Variants in NKAIN3 observed in about 807,000 individuals in gnomAD.
The protein encoded by NKAIN3 is sodium/potassium transporting ATPase interacting 3, also known as sodium/potassium-transporting ATPase subunit beta-1-interacting protein 3.
In NKAIN3, 25 loss-of-function variants were observed where a neutral mutation model predicts 30.2. The observed-to-expected ratio is 0.83, with a 90% CI of 0.60 to 1.16. The LOEUF (loss-of-function observed/expected upper bound fraction) is 1.16. NKAIN3 is among the 50% of genes most tolerant of loss of function. The probability of loss-of-function intolerance (pLI) is 0.00; values close to 1 mark genes in which losing one functional copy is unlikely to be tolerated. For missense variants in NKAIN3, 225 were observed against 254.1 expected (o/e 0.89, Z 0.78); for synonymous variants, 91 against 89.6 (o/e 1.02, Z -0.09).
At chr8:62,393,651 T>C (rs1424138268) in intron 1 of NKAIN3, among the ~76,000 whole-genome samples, 1 of 152,026 alleles carries the variant, frequency 6.6e-6, no homozygotes, top group African/African-American at 2.4e-5. Flanking sequence ...GCTAGGATTT[T>C]GATTCTGAAT....
chr8:62,612,848 A>T (rs1207669919), intron 3 of NKAIN3, among the ~76,000 whole-genome samples: 1 of 152,054 alleles, frequency 6.6e-6, no homozygotes, highest in Non-Finnish European at 1.5e-5. Context: ...TCACGTGATA[A>T]CAACTTAATA....
chr8:62,657,291 G>A (rs1812789130), intron 3 of NKAIN3, among the ~76,000 whole-genome samples: 1 of 152,086 alleles, frequency 6.6e-6, no homozygotes, highest in Non-Finnish European at 1.5e-5. Flanking sequence ...CTGAAATAAT[G>A]TAGCATTACT....
At chr8:62,749,694 T>TG (rs1226976756) in intron 4 of NKAIN3, among the ~76,000 whole-genome samples, 2 of 140,028 alleles carry the variant, frequency 1.4e-5, no homozygotes, top group East Asian at 4.1e-4. Flanking sequence ...TTTTTTTTTT[T>TG]TTTTTAAGAC....
At chr8:62,533,891 G>T (rs945627138) in intron 1 of NKAIN3, among the ~76,000 whole-genome samples, 4 of 152,130 alleles carry the variant, frequency 2.6e-5, no homozygotes, top group African/African-American at 9.7e-5. Context: ...ATCCAGACTT[G>T]CAAGTTGCTA....
At chr8:62,363,930 T>C (rs1158033968) in intron 1 of NKAIN3, among the ~76,000 whole-genome samples, 2 of 152,226 alleles carry the variant, frequency 1.3e-5, no homozygotes, top group Admixed American at 6.5e-5. Flanking sequence ...CCTTAGTCTC[T>C]TTCTATTGTG....
At chr8:62,521,833 G>A (rs1365123914) in intron 1 of NKAIN3, among the ~76,000 whole-genome samples, 4 of 152,128 alleles carry the variant, frequency 2.6e-5, no homozygotes, top group Non-Finnish European at 2.9e-5. Context: ...TTTTTTCCTG[G>A]ATAAGATTTA....
rs370064429 is a variant in NKAIN3 at position 62,798,168 on chromosome 8, TATC to T, written c.471+51041_471+51043del. On this transcript the variant is annotated intron_variant, in intron 4 of 6. Coordinates refer to ENST00000623646, the MANE Select transcript of NKAIN3 (RefSeq NM_001304533.3). ...CCTCATGATGTGAGAAAAGAGACCT[TATC>T]AGTTCCTTGCAGCACCTTGCAGAGT... Among the ~76,000 whole-genome samples the T allele has an allele frequency of 6.4e-3, 982 of 152,262 alleles. 10 individuals carry two copies. The highest frequency in any genetic ancestry group is 0.022 in the African/African-American group (921 of 41,558).
At chr8:62,928,969 G>C (rs1440947581) in intron 5 of NKAIN3, among the ~76,000 whole-genome samples, 2 of 152,276 alleles carry the variant, frequency 1.3e-5, no homozygotes, top group South Asian at 4.2e-4. Flanking sequence ...GGAGTCCAGC[G>C]TATCAAGCAT....
intron 4 of NKAIN3, among the ~76,000 whole-genome samples, chr8:62,758,743 A>G (rs551184029): frequency 6.6e-6 from 1 of 152,300 alleles, no homozygotes; most frequent in South Asian, 2.1e-4. Context: ...GTACATATAC[A>G]TGTTTTAAAC....
chr8:62,353,244 G>A (rs764465714), intron 1 of NKAIN3, among the ~76,000 whole-genome samples: 130 of 152,112 alleles, frequency 8.5e-4, no homozygotes, highest in Non-Finnish European at 5.9e-4. Context: ...TCTAAGACAG[G>A]GTTAGTTTAA....
At chr8:62,580,076 C>A (rs1208943327) in intron 2 of NKAIN3, among the ~76,000 whole-genome samples, 1 of 152,142 alleles carries the variant, frequency 6.6e-6, no homozygotes, top group South Asian at 2.1e-4. Context: ...AAAAACAAAT[C>A]TTTCTAGCAT....
chr8:62,336,764 T>G (rs12678077), intron 1 of NKAIN3, among the ~76,000 whole-genome samples: 132,164 of 152,002 alleles, frequency 0.87, 58,005 homozygotes, highest in East Asian at 0.95. Flanking sequence ...TGACTGAGAG[T>G]TCCTTCTGCT....
At chr8:62,657,576 T>A (rs1330177980) in intron 3 of NKAIN3, among the ~76,000 whole-genome samples, 1 of 152,224 alleles carries the variant, frequency 6.6e-6, no homozygotes, top group Non-Finnish European at 1.5e-5. Context: ...GGTTTACATA[T>A]TGCATTATCA....
intron 3 of NKAIN3, among the ~76,000 whole-genome samples, chr8:62,664,839 A>G (rs1813050472): frequency 6.6e-6 from 1 of 152,182 alleles, no homozygotes; most frequent in African/African-American, 2.4e-5. Context: ...CCAGCTGAGA[A>G]AGAATGCTCT....
chr8:62,401,477 C>T (rs1280768813), intron 1 of NKAIN3, among the ~76,000 whole-genome samples: 3 of 152,046 alleles, frequency 2.0e-5, no homozygotes, highest in African/African-American at 7.2e-5. Context: ...ACTGGATTGT[C>T]TTGATGCTTA....
chr8:62,657,945 A>C (rs1180733697), intron 3 of NKAIN3, among the ~76,000 whole-genome samples: 1 of 152,152 alleles, frequency 6.6e-6, no homozygotes, highest in African/African-American at 2.4e-5. Context: ...TAAACATCCA[A>C]ATAACCAAAA....
At chr8:62,953,419 T>G (rs1487113924) in intron 5 of NKAIN3, among the ~76,000 whole-genome samples, 1 of 152,158 alleles carries the variant, frequency 6.6e-6, no homozygotes, top group East Asian at 1.9e-4. Context: ...ACAAAATCTT[T>G]GCAAAAGGCA....
chr8:62,865,119 A>G lies in NKAIN3; in HGVS notation c.472-53334A>G, dbSNP rs1342770528. Among the ~76,000 whole-genome samples, 3 of 152,074 alleles carry G rather than the reference A, an allele frequency of 2.0e-5. No individual in the cohort carries two copies. The East Asian group carries it at 5.8e-4, about 29-fold the overall frequency. On this transcript the variant is annotated intron_variant, in intron 4 of 6. Transcript: ENST00000623646. ...GAAATATTTCGAGGAGTTTTTCACC[A>G]GAAAAGGAGAACTGCGACATCACCA...
At chr8:62,660,746 AGTC>A (rs201071234) in intron 3 of NKAIN3, among the ~76,000 whole-genome samples, 5,683 of 152,322 alleles carry the variant, frequency 0.037, 356 homozygotes, top group African/African-American at 0.13. Context: ...AGTAGTAACC[AGTC>A]CACTAAATAC....
Sources: gnomAD v4.1 joint callset for allele counts (sites outside exome capture counted in the v4.1 genomes callset) on GRCh38, gnomAD v4.1.1 for gene constraint, MANE v1.5 for transcripts, NCBI Gene and HGNC (gene_info 2026-07-23, HGNC 2026-07-21) for gene names.